The following HKDC1 variants were observed in gnomAD, a reference collection of about 807,000 sequenced individuals.
HKDC1 encodes the protein hexokinase HKDC1.
A neutral mutation model predicts 96.6 loss-of-function variants in HKDC1; 66 were observed. The ratio of observed to expected loss-of-function variants is 0.68; its 90% confidence interval spans 0.56 to 0.84. The LOEUF (loss-of-function observed/expected upper bound fraction) is 0.84. Ranked by LOEUF, HKDC1 falls within the 40% of genes least tolerant of loss-of-function variation. The pLI, the probability that HKDC1 is intolerant of heterozygous loss-of-function variation, is 0.00. For synonymous variants in HKDC1, 466 were observed against 473.1 expected (o/e 0.98, Z 0.20); for missense variants, 1,211 against 1,208.1 (o/e 1.00, Z -0.04).
At chr10:69,257,262 T>A (rs1843732928) in intron 13 of HKDC1, 65 bp from the exon 14 acceptor site, 4 of 1,504,446 alleles carry the variant, frequency 2.7e-6, no homozygotes, top group Non-Finnish European at 3.7e-6. Flanking sequence ...CTCCTAAACC[T>A]GTTTGGCTTG....
At chr10:69,236,665 A>C (rs1843365807) in intron 4 of HKDC1, among the ~76,000 whole-genome samples, 1 of 151,816 alleles carries the variant, frequency 6.6e-6, no homozygotes, top group South Asian at 2.1e-4. Flanking sequence ...CTGTAATCCC[A>C]GCTACTCGGG....
chr10:69,240,621 C>T (rs373189695), intron 5 of HKDC1, 31 bp from the exon 6 acceptor site: 20 of 1,585,316 alleles, frequency 1.3e-5, no homozygotes, highest in African/African-American at 9.4e-5. Context: ...CCTTCCCACC[C>T]GCTGATTCCC....
In HKDC1 at chr10:69,265,625, C is replaced by A. The variant is rs769896723; in HGVS notation, c.2413C>A (p.Gln805Lys). The A allele has an allele frequency of 1.6e-5, 26 of 1,613,832 alleles. No individual in the cohort carries two copies. The highest frequency in any genetic ancestry group is 2.2e-5 in the Non-Finnish European group (26 of 1,179,944). The change falls in exon 17 of 18, where the codon CAG becomes AAG. Residue 805 changes from glutamine to lysine, a missense_variant. Gln to Lys is a moderately conservative substitution (Grantham distance 53). Transcript: ENST00000354624. ...TCTCCAGGTCAGGAGGATTCTGCAGCAGCTGGGCCTGGACAGCACGTGTGA... is the reference window on the plus strand; with the variant it reads ...TCTCCAGGTCAGGAGGATTCTGCAGAAGCTGGGCCTGGACAGCACGTGTGA... ...ALLQVRRILQ[Q>K]LGLDSTCEDS...
At chr10:69,228,456 T>C (rs1400114451) in intron 2 of HKDC1, among the ~76,000 whole-genome samples, 1 of 152,134 alleles carries the variant, frequency 6.6e-6, no homozygotes, top group African/African-American at 2.4e-5. Context: ...AGCATCTTTG[T>C]TGGGGGTGGG....
At chr10:69,245,570 C>CAATAATAATAAT (rs10646729) in intron 7 of HKDC1, among the ~76,000 whole-genome samples, 3,440 of 139,314 alleles carry the variant, frequency 0.025, 64 homozygotes, top group Middle Eastern at 0.04. Flanking sequence ...ATCCTGTCTC[C>CAATAATAATAAT]AATAATAATA....
At chr10:69,242,878 ATTTG>A (rs1843474662) in intron 6 of HKDC1, among the ~76,000 whole-genome samples, 1 of 152,214 alleles carries the variant, frequency 6.6e-6, no homozygotes, top group Non-Finnish European at 1.5e-5. Flanking sequence ...GATTATCTTC[ATTTG>A]TCCTCTTGTA....
intron 1 of HKDC1, among the ~76,000 whole-genome samples, chr10:69,224,694 T>C (rs1239105888): frequency 1.3e-5 from 2 of 152,364 alleles, no homozygotes; most frequent in South Asian, 2.1e-4. Context: ...ATTCCTAATG[T>C]GAGACCTTTG....
At chr10:69,230,303 A>G (rs943779299) in intron 2 of HKDC1, among the ~76,000 whole-genome samples, 8 of 152,220 alleles carry the variant, frequency 5.3e-5, no homozygotes, top group Admixed American at 3.3e-4. Context: ...GCCTCCAGTC[A>G]GCCTCCAAGG....
chr10:69,233,133 G>A lies in HKDC1; in HGVS notation c.495G>A (p.Glu165=), dbSNP rs142118901. ...SFPCRQTKLE[E]GVLLSWTKKF... Reference sequence around the variant, plus strand: ...CCTGTCGACAGACTAAACTGGAAGAGGTAAGGCGCGGAGGGAAGCAGCAGT... The same window carrying A: ...CCTGTCGACAGACTAAACTGGAAGAAGTAAGGCGCGGAGGGAAGCAGCAGT... The change falls in exon 4 of 18, where the codon GAG becomes GAA. Residue 165 remains glutamate (E), a splice_region_variant and synonymous_variant. Coordinates refer to ENST00000354624, the MANE Select transcript of HKDC1 (RefSeq NM_025130.4). 2.5e-6 allele frequency: 4 copies of A among 1,613,834 alleles called. No individual in the cohort carries two copies. Among genetic ancestry groups the A allele is most frequent in the South Asian group, 1.1e-5 (1 of 91,076 alleles).
chr10:69,229,958 G>A (rs981565923), intron 2 of HKDC1, among the ~76,000 whole-genome samples: 4 of 152,194 alleles, frequency 2.6e-5, no homozygotes, highest in Non-Finnish European at 2.9e-5. Flanking sequence ...CTTGTGAGCT[G>A]GTGGTATAAT....
At chr10:69,227,089 T>G in intron 1 of HKDC1, 118 bp from the exon 2 acceptor site, 2 of 1,156,418 alleles carry the variant, frequency 1.7e-6, no homozygotes, top group East Asian at 4.8e-5. Flanking sequence ...GGAATCCACA[T>G]CTCAATGCTG....
intron 2 of HKDC1, among the ~76,000 whole-genome samples, chr10:69,227,658 C>A (rs770132120): frequency 6.6e-6 from 1 of 152,148 alleles, no homozygotes; most frequent in African/African-American, 2.4e-5. Context: ...GTGGCTTTTC[C>A]GTCTCAGCGT....
chr10:69,222,067 T>A (rs1435438722), intron 1 of HKDC1, among the ~76,000 whole-genome samples: 1 of 152,054 alleles, frequency 6.6e-6, no homozygotes, highest in African/African-American at 2.4e-5. Flanking sequence ...ACTAAAAATT[T>A]AAAAATTAGC....
chr10:69,247,758 G>A (rs990214371), intron 9 of HKDC1, among the ~76,000 whole-genome samples, 165 bp downstream of exon 9: 1 of 152,184 alleles, frequency 6.6e-6, no homozygotes, highest in Admixed American at 6.5e-5. Flanking sequence ...CATTCATCTA[G>A]CTGGCTGGGT....
At chr10:69,256,053 G>C (rs1467935711) in intron 12 of HKDC1, among the ~76,000 whole-genome samples, 1 of 152,154 alleles carries the variant, frequency 6.6e-6, no homozygotes, top group African/African-American at 2.4e-5. Context: ...TTTGCACCCA[G>C]AGAGAGCCAC....
Position 69,232,835 on chromosome 10 carries a change from G to A in HKDC1, c.298G>A (p.Glu100Lys). ...AGTGCTGAAGGTGCAAGTCGCTGAA[G>A]AGGGGAAGCGACACGTGCAGATGGA... is the stretch of plus-strand genomic sequence containing the variant. Reference protein sequence around the residue: ...FRVLKVQVAEEGKRHVQMESQ... With the variant: ...FRVLKVQVAEKGKRHVQMESQ... Residue 100 changes from glutamate to lysine, a missense_variant, in exon 3 of 18, where the codon GAG (glutamate) becomes AAG (lysine). Glu to Lys is a moderately conservative substitution (Grantham distance 56, BLOSUM62 1). Coordinates refer to ENST00000354624, the MANE Select transcript of HKDC1 (RefSeq NM_025130.4). 6.2e-7 allele frequency: 1 copy of A among 1,614,196 alleles called. No individual in the cohort carries two copies. The highest frequency in any genetic ancestry group is 1.1e-5 in the South Asian group (1 of 91,088).
At chr10:69,256,989 G>A in intron 12 of HKDC1, 47 bp from the exon 13 acceptor site, 2 of 1,402,866 alleles carry the variant, frequency 1.4e-6, no homozygotes, top group Non-Finnish European at 2.0e-6. Context: ...TTGTGCAGTG[G>A]CCCTAGCAAA....
chr10:69,245,459 CT>C (rs945857667), intron 7 of HKDC1, among the ~76,000 whole-genome samples: 17 of 151,838 alleles, frequency 1.1e-4, no homozygotes, highest in African/African-American at 4.1e-4. Context: ...TGATGCACCC[CT>C]ATGGGAGGCT....
At chr10:69,253,230 G>A (rs543154146) in intron 12 of HKDC1, among the ~76,000 whole-genome samples, 1 of 152,264 alleles carries the variant, frequency 6.6e-6, no homozygotes, top group Non-Finnish European at 1.5e-5. Context: ...TGGGTCATGG[G>A]GCCTCGGCCT....
Sources: gnomAD v4.1 joint callset for allele counts (sites outside exome capture counted in the v4.1 genomes callset) on GRCh38, gnomAD v4.1.1 for gene constraint, MANE v1.5 for transcripts, NCBI Gene and HGNC (gene_info 2026-07-23, HGNC 2026-07-21) for gene names.